The following TMEM108 variants were observed in gnomAD, a reference collection of about 807,000 sequenced individuals.
TMEM108 encodes the protein transmembrane protein 108.
TMEM108 carries 12 observed loss-of-function variants against 35.1 expected under a neutral mutation model. The ratio of observed to expected loss-of-function variants is 0.34; its 90% confidence interval spans 0.22 to 0.55. TMEM108 has a LOEUF of 0.55. Among genes scored for constraint, TMEM108 ranks in the 20% least tolerant of loss-of-function variants. TMEM108 has a pLI of 0.89. For missense variants in TMEM108, 680 were observed against 753.3 expected, an observed-to-expected ratio of 0.90 and a Z score of 1.14; for synonymous variants, 287 against 308.6, an observed-to-expected ratio of 0.93 and a Z score of 0.73.
At chr3:133,276,189 T>G (rs775460226) in intron 3 of TMEM108, among the ~76,000 whole-genome samples, 1 of 152,176 alleles carries the variant, frequency 6.6e-6, no homozygotes, top group Non-Finnish European at 1.5e-5. Flanking sequence ...ATATTTGAAT[T>G]TCATATAAAA....
chr3:133,091,780 C>G (rs1035675936), intron 2 of TMEM108, among the ~76,000 whole-genome samples: 2 of 152,016 alleles, frequency 1.3e-5, no homozygotes, highest in African/African-American at 4.8e-5. Flanking sequence ...CTCTCCCAGC[C>G]TCATTTGATT....
At chr3:133,129,679 A>G (rs1426470934) in intron 2 of TMEM108, among the ~76,000 whole-genome samples, 1 of 152,066 alleles carries the variant, frequency 6.6e-6, no homozygotes, top group African/African-American at 2.4e-5. Context: ...AAACTTGTTG[A>G]TTGTCTATTA....
chr3:133,065,409 G>T (rs1030236328), intron 2 of TMEM108, among the ~76,000 whole-genome samples: 1 of 152,084 alleles, frequency 6.6e-6, no homozygotes, highest in Non-Finnish European at 1.5e-5. Context: ...CCCAGCTATG[G>T]TAAATAAGTG....
At chr3:133,313,142 A>G (rs920824623) in intron 3 of TMEM108, among the ~76,000 whole-genome samples, 2 of 152,166 alleles carry the variant, frequency 1.3e-5, no homozygotes, top group South Asian at 4.2e-4. Context: ...TATAGCATTA[A>G]CAGTTTTGAA....
intron 3 of TMEM108, among the ~76,000 whole-genome samples, chr3:133,376,607 G>A (rs1244182752): frequency 2.0e-5 from 3 of 152,142 alleles, no homozygotes; most frequent in African/African-American, 7.2e-5. Context: ...GTGAATATGG[G>A]AGCCTCTGGG....
rs373857528 is a variant in TMEM108 at position 133,379,993 on chromosome 3, G to A, written c.282G>A (p.Thr94=). Residue 94 remains threonine, a synonymous_variant, in exon 4 of 6, where the codon ACG becomes ACA. Transcript: ENST00000321871. ...CCCGTGCAGAGGGGCACCCTCCTACGCACACCATCTCCACCATCGCTGCGA... is the reference window on the plus strand; with the variant it reads ...CCCGTGCAGAGGGGCACCCTCCTACACACACCATCTCCACCATCGCTGCGA... ...PTPRAEGHPP[T]HTISTIAATV... 29 of 1,613,446 alleles carry A rather than the reference G, an allele frequency of 1.8e-5. No homozygotes were observed. The highest frequency in any genetic ancestry group is 1.6e-4 in the Middle Eastern group (1 of 6,082).
At chr3:133,366,995 CA>C (rs2072518655) in intron 3 of TMEM108, among the ~76,000 whole-genome samples, 1 of 152,214 alleles carries the variant, frequency 6.6e-6, no homozygotes, top group African/African-American at 2.4e-5. Context: ...AAAAAGCATG[CA>C]GTTGATATAG....
intron 3 of TMEM108, among the ~76,000 whole-genome samples, chr3:133,347,585 C>T (rs2071860507): frequency 6.6e-6 from 1 of 151,992 alleles, no homozygotes; most frequent in Non-Finnish European, 1.5e-5. Context: ...CATCTGCAAA[C>T]AAAGTTTTAT....
rs114742598 is a variant in TMEM108 at position 133,186,630 on chromosome 3, T to C, written c.-46-42636T>C. Among the ~76,000 whole-genome samples the C allele has an allele frequency of 1.8e-3, 281 of 152,306 alleles. 1 individual carries two copies. The highest frequency in any genetic ancestry group is 6.1e-3 in the African/African-American group (254 of 41,574). ...ATATCTCTGGGAAATGTGTCCTCCA[T>C]TGATTTGTGTCATTGTCCCTGGAAA... On this transcript the variant is annotated intron_variant, in intron 2 of 5. Coordinates refer to ENST00000321871, the MANE Select transcript of TMEM108 (RefSeq NM_023943.4).
chr3:133,050,301 CCTTT>C (rs1943388293), intron 2 of TMEM108, among the ~76,000 whole-genome samples: 1 of 152,092 alleles, frequency 6.6e-6, no homozygotes, highest in African/African-American at 2.4e-5. Flanking sequence ...TCTCTTCCTG[CCTTT>C]CTTTCTTTCT....
At chr3:133,104,450 T>A (rs1265339620) in intron 2 of TMEM108, among the ~76,000 whole-genome samples, 1 of 152,196 alleles carries the variant, frequency 6.6e-6, no homozygotes, top group Non-Finnish European at 1.5e-5. Flanking sequence ...ATTCAGTGAC[T>A]TTCAGGCTTT....
At chr3:133,125,207 TAA>T (rs1410668475) in intron 2 of TMEM108, 1 of 152,228 alleles carries the variant, frequency 6.6e-6, no homozygotes, top group East Asian at 1.9e-4. Flanking sequence ...TTTTAGCTCT[TAA>T]GGTAGTAATT....
chr3:133,200,747 C>T (rs1025654759), intron 2 of TMEM108, among the ~76,000 whole-genome samples: 2 of 152,142 alleles, frequency 1.3e-5, no homozygotes, highest in Admixed American at 6.5e-5. Flanking sequence ...GTTGTTTCCT[C>T]CCTAGTCCCC....
chr3:133,324,132 C>G (rs1183933851), intron 3 of TMEM108, among the ~76,000 whole-genome samples: 1 of 151,994 alleles, frequency 6.6e-6, no homozygotes, highest in Non-Finnish European at 1.5e-5. Context: ...AGTTCATGAC[C>G]AAGAATCCAA....
chr3:133,357,978 A>G (rs1246914373), intron 3 of TMEM108, among the ~76,000 whole-genome samples: 2 of 152,192 alleles, frequency 1.3e-5, no homozygotes, highest in Admixed American at 6.5e-5. Flanking sequence ...AAGACAAGCT[A>G]TAGTTTCTTC....
At chr3:133,340,427 A>C (rs2071626260) in intron 3 of TMEM108, among the ~76,000 whole-genome samples, 1 of 151,800 alleles carries the variant, frequency 6.6e-6, no homozygotes, top group Non-Finnish European at 1.5e-5. Context: ...AAATAACAAG[A>C]GCAAACCTTT....
At chr3:133,287,169 C>A (rs764525902) in intron 3 of TMEM108, among the ~76,000 whole-genome samples, 2 of 152,102 alleles carry the variant, frequency 1.3e-5, no homozygotes, top group African/African-American at 2.4e-5. Flanking sequence ...AATAACTCAC[C>A]TGCTCCAGAC....
intron 3 of TMEM108, among the ~76,000 whole-genome samples, chr3:133,352,505 C>T (rs1047700614): frequency 2.0e-5 from 3 of 152,182 alleles, no homozygotes; most frequent in African/African-American, 7.2e-5. Flanking sequence ...ACTTTAGATG[C>T]CAGTCACAAG....
chr3:133,387,310 C>T, intron 4 of TMEM108: 1 of 985,440 alleles, frequency 1.0e-6, no homozygotes, highest in Non-Finnish European at 1.2e-6. Flanking sequence ...ATGGCAGAGT[C>T]ACAATTTGAA....
Sources: allele counts gnomAD v4.1 joint callset (sites outside exome capture counted in the v4.1 genomes callset), GRCh38; gene constraint gnomAD v4.1.1; transcripts MANE v1.5; gene names NCBI Gene and HGNC (gene_info 2026-07-23, HGNC 2026-07-21).